The following TRPC7 variants were observed in gnomAD, a reference collection of about 807,000 sequenced individuals.
TRPC7 encodes transient receptor potential cation channel subfamily C member 7.
TRPC7 carries 42 observed loss-of-function variants against 90.1 expected under a neutral mutation model. The ratio of observed to expected loss-of-function variants is 0.47; its 90% confidence interval spans 0.36 to 0.60. The LOEUF is 0.60. Ranked by LOEUF, TRPC7 falls within the 20% of genes least tolerant of loss-of-function variation. The probability of loss-of-function intolerance (pLI) is 0.00; values close to 1 mark genes in which losing one functional copy is unlikely to be tolerated. For synonymous variants in TRPC7, 451 were observed against 436.3 expected (o/e 1.03, Z -0.42); for missense variants, 955 against 1,112.3 (o/e 0.86, Z 2.01).
chr5:136,303,959 T>C (rs965754279), intron 3 of TRPC7: 2 of 152,024 alleles, frequency 1.3e-5, no homozygotes, highest in Non-Finnish European at 1.5e-5. Flanking sequence ...CTGTGGGTAT[T>C]GACGTCCAGG....
chr5:136,323,253 T>C (rs180761520), intron 2 of TRPC7, among the ~76,000 whole-genome samples: 11 of 152,370 alleles, frequency 7.2e-5, no homozygotes, highest in Admixed American at 7.2e-4. Context: ...TCCCCAGCCA[T>C]GTGGAACTGT....
At chr5:136,347,362 C>G (rs1760043068) in intron 2 of TRPC7, among the ~76,000 whole-genome samples, 1 of 152,086 alleles carries the variant, frequency 6.6e-6, no homozygotes. Flanking sequence ...TTTTGAATGT[C>G]CAAAGTCCCA....
intron 2 of TRPC7, 133 bp from the exon 3 acceptor site, chr5:136,315,912 C>T (rs946660969): frequency 6.3e-5 from 55 of 869,960 alleles, no homozygotes; most frequent in Admixed American, 2.6e-4. Flanking sequence ...ACTTATGGAA[C>T]GCAGCAGGAT....
At chr5:136,281,796 G>C (rs1435953834) in intron 3 of TRPC7, among the ~76,000 whole-genome samples, 1 of 152,188 alleles carries the variant, frequency 6.6e-6, no homozygotes, top group Non-Finnish European at 1.5e-5. Flanking sequence ...TACAGTTCCA[G>C]TTTTTGGTTT....
intron 5 of TRPC7, among the ~76,000 whole-genome samples, chr5:136,259,638 AT>A (rs1355370441): frequency 9.2e-5 from 14 of 152,236 alleles, no homozygotes; most frequent in Admixed American, 9.2e-4. Context: ...CAAAAAACTT[AT>A]TATAAGCTTG....
intron 2 of TRPC7, among the ~76,000 whole-genome samples, chr5:136,325,066 GTT>G (rs5871601): frequency 2.0e-5 from 3 of 152,094 alleles, no homozygotes; most frequent in Non-Finnish European, 4.4e-5. Context: ...TTTAGGATGA[GTT>G]TTTTTTAAGA....
At chr5:136,222,120 G>C (rs1238102174) in intron 10 of TRPC7, 1 of 151,724 alleles carries the variant, frequency 6.6e-6, no homozygotes, top group Non-Finnish European at 1.5e-5. Flanking sequence ...AAATGGTTTT[G>C]TGAAAAATAA....
intron 2 of TRPC7, among the ~76,000 whole-genome samples, chr5:136,346,011 G>A (rs940368575): frequency 4.6e-4 from 70 of 152,150 alleles, no homozygotes; most frequent in Non-Finnish European, 9.0e-4. Context: ...GACAGTTGTA[G>A]ATGTGTGGTA....
intron 7 of TRPC7, among the ~76,000 whole-genome samples, chr5:136,232,782 T>G (rs980085328): frequency 2.2e-4 from 34 of 152,234 alleles, no homozygotes; most frequent in Admixed American, 2.2e-3. Flanking sequence ...AGACCATGCA[T>G]GTATATCTGG....
intron 2 of TRPC7, among the ~76,000 whole-genome samples, chr5:136,330,012 A>C (rs1472467933): frequency 6.6e-6 from 1 of 152,042 alleles, no homozygotes; most frequent in East Asian, 1.9e-4. Context: ...TATCACCCAC[A>C]GGTTAGTGCT....
intron 3 of TRPC7, among the ~76,000 whole-genome samples, chr5:136,295,706 C>T (rs765571703): frequency 7.2e-5 from 11 of 152,208 alleles, no homozygotes; most frequent in Non-Finnish European, 1.5e-4. Context: ...TGCCCCTAAT[C>T]TCTGCAATCT....
intron 2 of TRPC7, among the ~76,000 whole-genome samples, chr5:136,354,004 T>C (rs1483848696): frequency 3.3e-5 from 5 of 152,256 alleles, no homozygotes; most frequent in Non-Finnish European, 5.9e-5. Flanking sequence ...TATCATTTTA[T>C]TTAGTAAGGC....
intron 2 of TRPC7, among the ~76,000 whole-genome samples, chr5:136,351,885 T>C (rs1033700686): frequency 5.3e-5 from 8 of 152,234 alleles, no homozygotes; most frequent in Admixed American, 2.6e-4. Flanking sequence ...TTTTTCATAA[T>C]ACATGTGGTT....
At chr5:136,214,388 C>T (rs1755192244) in intron 11 of TRPC7, 1 of 152,158 alleles carries the variant, frequency 6.6e-6, no homozygotes, top group African/African-American at 2.4e-5. Flanking sequence ...TGTGGGAGTC[C>T]ACTGTCTGTG....
At chr5:136,248,165 C>T (rs1397944264) in intron 6 of TRPC7, among the ~76,000 whole-genome samples, 1 of 152,224 alleles carries the variant, frequency 6.6e-6, no homozygotes, top group Non-Finnish European at 1.5e-5. Context: ...AGCTGTCCCA[C>T]TCACTGGGGA....
At chr5:136,236,228 T>C (rs1755974464) in intron 7 of TRPC7, among the ~76,000 whole-genome samples, 1 of 152,202 alleles carries the variant, frequency 6.6e-6, no homozygotes, top group South Asian at 2.1e-4. Flanking sequence ...GATAAGAGAA[T>C]GCTATGAGAC....
intron 2 of TRPC7, among the ~76,000 whole-genome samples, chr5:136,325,552 G>T (rs1407092379): frequency 2.0e-5 from 3 of 152,126 alleles, no homozygotes; most frequent in African/African-American, 7.2e-5. Context: ...GATATCAGTA[G>T]ATCATTACAT....
intron 2 of TRPC7, among the ~76,000 whole-genome samples, chr5:136,344,756 G>A (rs1580979063): frequency 1.3e-5 from 2 of 152,252 alleles, no homozygotes; most frequent in Admixed American, 1.3e-4. Flanking sequence ...GGGGGTATAG[G>A]GATGTTCTTT....
intron 7 of TRPC7, among the ~76,000 whole-genome samples, chr5:136,238,528 T>A (rs890450648): frequency 1.3e-5 from 2 of 152,252 alleles, no homozygotes; most frequent in Admixed American, 6.5e-5. Context: ...ACATTGCAGT[T>A]TCCTGCCACT....
Sources: allele counts gnomAD v4.1 joint callset (sites outside exome capture counted in the v4.1 genomes callset), GRCh38; gene constraint gnomAD v4.1.1; transcripts MANE v1.5; gene names NCBI Gene and HGNC (gene_info 2026-07-23, HGNC 2026-07-21).